PMFBP1: variants seen among roughly 807,000 people sequenced by gnomAD.
PMFBP1 encodes the protein polyamine modulated factor 1 binding protein 1, also known as polyamine-modulated factor 1-binding protein 1.
A neutral mutation model predicts 137.8 loss-of-function variants in PMFBP1; 131 were observed. The ratio of observed to expected loss-of-function variants is 0.95; its 90% confidence interval spans 0.82 to 1.10. The LOEUF is 1.10. Ranked by LOEUF, PMFBP1 falls within the 50% of genes least tolerant of loss-of-function variation. PMFBP1 has a pLI of 0.00. For missense variants in PMFBP1, 1,199 were observed against 1,175.4 expected (o/e 1.02, Z -0.29); for synonymous variants, 490 against 450.4 (o/e 1.09, Z -1.11).
At chr16:72,145,893 C>T (rs1427433649) in intron 5 of PMFBP1, among the ~76,000 whole-genome samples, 2 of 152,108 alleles carry the variant, frequency 1.3e-5, no homozygotes. Flanking sequence ...AATTAATAGC[C>T]TGTCAACCAA....
At chr16:72,185,364 CGT>C in the PMFBP1 span, among the ~76,000 whole-genome samples, 2 of 151,964 alleles carry the variant, frequency 1.3e-5, no homozygotes, top group African/African-American at 4.8e-5. Context: ...CCCTTCTTTA[CGT>C]TTCCCGCCAG....
chr16:72,176,318 C>T (rs1438164961), upstream of PMFBP1, among the ~76,000 whole-genome samples: 1 of 152,182 alleles, frequency 6.6e-6, no homozygotes, highest in Non-Finnish European at 1.5e-5. Context: ...CTCCCCCTGG[C>T]TCTCTTCTTT....
At chr16:72,212,564 A>AC in the PMFBP1 span, among the ~76,000 whole-genome samples, 1 of 152,216 alleles carries the variant, frequency 6.6e-6, no homozygotes, top group African/African-American at 2.4e-5. Context: ...CTGGCCCTTT[A>AC]CCAAAAAACT....
rs1400176117 is a variant in PMFBP1 at position 72,130,568 on chromosome 16, C to T, written c.1602G>A (p.Glu534=). Residue 534 remains glutamate (E), a synonymous_variant, in exon 11 of 21, where the codon GAG becomes GAA. Transcript: ENST00000237353. ...TTTGTTCCTTCTCAGCCATCGAGGA[C>T]TCCTTCTGCAGCATCTGAAGTTCTC... ...LQRELQMLQK[E]SSMAEKEQTS... 6.2e-7 allele frequency: 1 copy of T among 1,614,140 alleles called. No homozygotes were observed. Among genetic ancestry groups the T allele is most frequent in the Non-Finnish European group, 8.5e-7 (1 of 1,180,022 alleles).
chr16:72,140,928 C>CTTTTTTTTTTTTTTTT (rs35908141), intron 5 of PMFBP1, among the ~76,000 whole-genome samples: 4 of 69,796 alleles, frequency 5.7e-5, no homozygotes, highest in Non-Finnish European at 1.0e-4. Flanking sequence ...ACAAATGAGT[C>CTTTTTTTTTTTTTTTT]TTTTTTTTTT....
chr16:72,173,607 T>C (rs1373954233), upstream of PMFBP1, among the ~76,000 whole-genome samples: 1 of 152,240 alleles, frequency 6.6e-6, no homozygotes, highest in Non-Finnish European at 1.5e-5. Flanking sequence ...TCTTCAGTCA[T>C]TAACAATAGC....
the PMFBP1 span, among the ~76,000 whole-genome samples, chr16:72,201,988 A>T: frequency 6.6e-6 from 1 of 152,176 alleles, no homozygotes; most frequent in Non-Finnish European, 1.5e-5. Context: ...TTCACTTGCT[A>T]CCTTGTAATA....
intron 5 of PMFBP1, among the ~76,000 whole-genome samples, chr16:72,142,271 T>G (rs940186143): frequency 6.6e-6 from 1 of 152,104 alleles, no homozygotes; most frequent in Non-Finnish European, 1.5e-5. Context: ...GAAGAAGATA[T>G]CTACATATCT....
chr16:72,130,851 C>A, intron 10 of PMFBP1, 129 bp from the exon 11 acceptor site: 1 of 815,894 alleles, frequency 1.2e-6, no homozygotes, highest in East Asian at 2.7e-5. Context: ...CCTCATTTCT[C>A]TCCATTTCAT....
At chr16:72,223,628 G>T in the PMFBP1 span, among the ~76,000 whole-genome samples, 3 of 152,204 alleles carry the variant, frequency 2.0e-5, no homozygotes, top group African/African-American at 7.2e-5. Context: ...CTAGGTAGCA[G>T]GTCACCTGCC....
At chr16:72,243,025 T>C in the PMFBP1 span, among the ~76,000 whole-genome samples, 2 of 152,160 alleles carry the variant, frequency 1.3e-5, no homozygotes, top group African/African-American at 4.8e-5. Flanking sequence ...GGAGACAAAA[T>C]ATCCAAATGG....
At chr16:72,211,840 CA>C in the PMFBP1 span, among the ~76,000 whole-genome samples, 1 of 151,800 alleles carries the variant, frequency 6.6e-6, no homozygotes, top group African/African-American at 2.4e-5. Flanking sequence ...ACAAAAAATA[CA>C]AAAAAATTAG....
At chr16:72,188,394 G>C in the PMFBP1 span, among the ~76,000 whole-genome samples, 1 of 152,186 alleles carries the variant, frequency 6.6e-6, no homozygotes, top group Admixed American at 6.5e-5. Context: ...TCTCTTACGT[G>C]CTCCCTAACC....
At position 72,126,242 on chromosome 16, in the gene PMFBP1, C is replaced by A. The variant is rs577815870; in HGVS notation, c.2089-110G>T. On this transcript the variant is annotated intron_variant, in intron 14 of 20. Coordinates refer to ENST00000237353, the MANE Select transcript of PMFBP1 (RefSeq NM_031293.3). ...CCAAGCTCTCTCCTGTCTGCAGCAA[C>A]CTGCAGAGTCCGTGTTAACACTCAC... 9.9e-5 allele frequency: 117 copies of A among 1,176,416 alleles called. 1 individual carries two copies. Among genetic ancestry groups the A allele is most frequent in the Non-Finnish European group, 1.3e-4 (105 of 830,048 alleles). The allele number at this position is 1,176,416 out of a possible 1,614,324, so 72.9% of individuals were successfully genotyped here.
the PMFBP1 span, among the ~76,000 whole-genome samples, chr16:72,228,804 A>G: frequency 1.3e-5 from 2 of 150,148 alleles, no homozygotes; most frequent in African/African-American, 4.9e-5. Flanking sequence ...ACAGATGAGT[A>G]CAATATTTTT....
chr16:72,123,616 C>A lies in PMFBP1; in HGVS notation c.2623G>T (p.Asp875Tyr). The change falls in exon 18 of 21, where the codon GAC becomes TAC. Residue 875 changes from aspartate (D) to tyrosine (Y), a missense_variant. Coordinates refer to ENST00000237353, the MANE Select transcript of PMFBP1 (RefSeq NM_031293.3). ...CCLPQWSVPKDTCRLYRGNDQ... is the reference protein window; with the variant it reads ...CCLPQWSVPKYTCRLYRGNDQ... Reference sequence around the variant, plus strand: ...TTCCCTCGGTAGAGCCTACAGGTGTCTTTGGGCACAGACCACTGGGGCAGG... The same window carrying A: ...TTCCCTCGGTAGAGCCTACAGGTGTATTTGGGCACAGACCACTGGGGCAGG... 6.2e-7 allele frequency: 1 copy of A among 1,614,106 alleles called. No individual in the cohort carries two copies. The highest frequency in any genetic ancestry group is 8.5e-7 in the Non-Finnish European group (1 of 1,179,968).
intron 10 of PMFBP1, among the ~76,000 whole-genome samples, chr16:72,132,135 G>A (rs1445460832): frequency 2.6e-5 from 4 of 152,162 alleles, no homozygotes; most frequent in African/African-American, 7.2e-5. Context: ...CTGAGCCACC[G>A]TGCCTGGGAA....
the PMFBP1 span, among the ~76,000 whole-genome samples, chr16:72,210,325 CA>C: frequency 1.3e-5 from 2 of 152,200 alleles, no homozygotes; most frequent in African/African-American, 4.8e-5. Context: ...AGAGCAAAAG[CA>C]AGGGCTTGAA....
chr16:72,176,998 A>G (rs977699833), upstream of PMFBP1: 1 of 151,926 alleles, frequency 6.6e-6, no homozygotes, highest in Non-Finnish European at 1.5e-5. Flanking sequence ...CTCCTTCTCT[A>G]TTTGCTGTAT....
Sources: gnomAD v4.1 joint callset for allele counts (sites outside exome capture counted in the v4.1 genomes callset) on GRCh38, gnomAD v4.1.1 for gene constraint, MANE v1.5 for transcripts, NCBI Gene and HGNC (gene_info 2026-07-23, HGNC 2026-07-21) for gene names.